The following ATP2B1 variants were observed in gnomAD, a reference collection of about 807,000 sequenced individuals.
The protein encoded by ATP2B1 is ATPase plasma membrane Ca2+ transporting 1.
ATP2B1 carries 14 observed loss-of-function variants against 124.2 expected under a neutral mutation model. The ratio of observed to expected loss-of-function variants is 0.11; its 90% CI spans 0.07 to 0.18. The LOEUF is 0.18. Among genes scored for constraint, ATP2B1 ranks in the 10% least tolerant of loss-of-function variants. The pLI is 1.00. For synonymous variants in ATP2B1, 449 were observed against 492.4 expected, an observed-to-expected ratio of 0.91 and a Z score of 1.17; for missense variants, 763 against 1,466.1, an observed-to-expected ratio of 0.52 and a Z score of 7.83.
Position 89,599,213 on chromosome 12 carries a change from T to C in ATP2B1, c.3255A>G (p.Glu1085=). The C allele has an allele frequency of 6.2e-7, 1 of 1,614,190 alleles. No individual in the cohort carries two copies. The highest frequency in any genetic ancestry group is 1.6e-4 in the Middle Eastern group (1 of 6,062). ...GTQKEEIPEE[E]LAEDVEEIDH... The stretch of plus-strand genomic sequence containing the variant: ...CAATCTCTTCAACATCCTCTGCTAA[T>C]TCCTCCTCAGGTATTTCTTCCTTTT... Residue 1085 remains glutamate, a synonymous_variant, in exon 20 of 21, where the codon GAA becomes GAG. Transcript: ENST00000428670.
At chr12:89,651,558 A>T (rs1200802294) in intron 2 of ATP2B1, among the ~76,000 whole-genome samples, 2 of 152,186 alleles carry the variant, frequency 1.3e-5, no homozygotes, top group African/African-American at 4.8e-5. Flanking sequence ...GTGAGCCACC[A>T]TACCTGGCCA....
At chr12:89,601,005 T>C (rs777275954) in intron 19 of ATP2B1, among the ~76,000 whole-genome samples, 3 of 152,274 alleles carry the variant, frequency 2.0e-5, no homozygotes, top group South Asian at 2.1e-4. Context: ...AAATAGGTTA[T>C]AGAGTAAAAG....
At chr12:89,691,820 A>G (rs900210949) in intron 1 of ATP2B1, among the ~76,000 whole-genome samples, 1 of 152,164 alleles carries the variant, frequency 6.6e-6, no homozygotes, top group Non-Finnish European at 1.5e-5. Context: ...GGGAATTTGA[A>G]TCCCTAATTT....
At chr12:89,628,871 G>C (rs1052007258) in intron 6 of ATP2B1, among the ~76,000 whole-genome samples, 1 of 152,128 alleles carries the variant, frequency 6.6e-6, no homozygotes, top group African/African-American at 2.4e-5. Flanking sequence ...CACAGTCCAG[G>C]CCACTGAGGG....
chr12:89,690,643 C>T (rs1890459182), intron 1 of ATP2B1, among the ~76,000 whole-genome samples: 2 of 151,748 alleles, frequency 1.3e-5, no homozygotes, highest in Non-Finnish European at 2.9e-5. Context: ...CTAATTTTGA[C>T]ATGAATGCTT....
chr12:89,695,469 T>TA (rs1381183377), intron 1 of ATP2B1, among the ~76,000 whole-genome samples: 2 of 151,876 alleles, frequency 1.3e-5, no homozygotes, highest in Non-Finnish European at 2.9e-5. Flanking sequence ...AAATGAGAAT[T>TA]AAAAAAAAGA....
chr12:89,672,344 T>C (rs1888098948), intron 1 of ATP2B1, among the ~76,000 whole-genome samples: 1 of 151,862 alleles, frequency 6.6e-6, no homozygotes. Context: ...ATCCCAGCTA[T>C]ACAAGAGGCT....
At chr12:89,676,013 T>C (rs1888561253) in intron 1 of ATP2B1, among the ~76,000 whole-genome samples, 1 of 152,090 alleles carries the variant, frequency 6.6e-6, no homozygotes, top group African/African-American at 2.4e-5. Flanking sequence ...GTTTCCTCAT[T>C]GGGGGAGGGG....
At chr12:89,643,101 TACGTATATATATACGTATATAC>T (rs1292509135) in intron 2 of ATP2B1, among the ~76,000 whole-genome samples, 12 of 122,898 alleles carry the variant, frequency 9.8e-5, no homozygotes, top group Middle Eastern at 4.3e-3. Context: ...CATATATACA[TACGTATATATATACGTATATAC>T]ACGTATATAT....
chr12:89,678,480 G>A (rs769624667), intron 1 of ATP2B1, among the ~76,000 whole-genome samples: 8 of 152,062 alleles, frequency 5.3e-5, no homozygotes, highest in Non-Finnish European at 1.2e-4. Context: ...TTGGCTCCTT[G>A]AGTTTTATGA....
chr12:89,596,529 T>G (rs1874651907), intron 20 of ATP2B1, among the ~76,000 whole-genome samples: 1 of 152,148 alleles, frequency 6.6e-6, no homozygotes, highest in East Asian at 1.9e-4. Context: ...AATGTTAAAT[T>G]TCTTGGATAA....
At chr12:89,670,614 G>A (rs1887843592) in intron 1 of ATP2B1, among the ~76,000 whole-genome samples, 1 of 151,982 alleles carries the variant, frequency 6.6e-6, no homozygotes, top group Admixed American at 6.6e-5. Flanking sequence ...TATAACAGAA[G>A]AAATCTACCA....
intron 1 of ATP2B1, among the ~76,000 whole-genome samples, chr12:89,667,281 C>G (rs1887425301): frequency 6.6e-6 from 1 of 152,196 alleles, no homozygotes; most frequent in African/African-American, 2.4e-5. Context: ...TTCTGTGTCA[C>G]TTGACAGTAC....
At chr12:89,657,902 G>A (rs1886147619) in intron 1 of ATP2B1, among the ~76,000 whole-genome samples, 1 of 152,140 alleles carries the variant, frequency 6.6e-6, no homozygotes, top group South Asian at 2.1e-4. Flanking sequence ...GACAGTTACA[G>A]ATTCTGCAAG....
chr12:89,592,994 T>C (rs749728514), intron 20 of ATP2B1, among the ~76,000 whole-genome samples: 4 of 152,078 alleles, frequency 2.6e-5, no homozygotes, highest in Admixed American at 1.3e-4. Context: ...TTACCATCTT[T>C]TATAATTCCA....
At position 89,630,435 on chromosome 12, in the gene ATP2B1, G is replaced by C. The variant is rs1881666528; in HGVS notation, c.928+70C>G. 10 of 1,257,578 alleles carry C rather than the reference G, an allele frequency of 8.0e-6. No individual in the cohort carries two copies. The South Asian group carries it at 2.1e-4, about 27-fold the overall frequency. 77.9% of individuals were successfully genotyped at this position (1,257,578 alleles called of 1,614,324 possible). ...TTTTTCATACCAGAATCTCTTGAAA[G>C]AAGGTACTAGTTCTTACAAATTATT... On this transcript the variant is annotated intron_variant, in intron 6 of 20. Transcript: ENST00000428670.
In ATP2B1 at chr12:89,589,805, T is replaced by G. The variant is rs957099678; in HGVS notation, c.*1179A>C. On this transcript the variant is annotated 3_prime_UTR_variant, in exon 21 of 21. Transcript: ENST00000428670. ...CTTTTAAAAAAACATTGCCATGAAT[T>G]TATTTAATAAAAGGGCATATTTATT... is the stretch of plus-strand genomic sequence containing the variant. 3 of 152,196 alleles carry G rather than the reference T, an allele frequency of 2.0e-5. No individual in the cohort carries two copies. The highest frequency in any genetic ancestry group is 4.4e-5 in the Non-Finnish European group (3 of 68,004). The allele number at this position is 152,196 out of a possible 1,614,324, so 9.4% of individuals were successfully genotyped here.
chr12:89,621,899 C>A, intron 9 of ATP2B1, 108 bp from the exon 10 acceptor site: 2 of 1,145,568 alleles, frequency 1.7e-6, no homozygotes, highest in Middle Eastern at 3.1e-4. Flanking sequence ...TCCCAGCTTT[C>A]TATAAATACA....
At chr12:89,658,647 G>GA (rs1491206152) in intron 1 of ATP2B1, among the ~76,000 whole-genome samples, 1 of 124,028 alleles carries the variant, frequency 8.1e-6, no homozygotes, top group Non-Finnish European at 1.8e-5. Context: ...GAGAGAGAGA[G>GA]ATAGAGATAG....
Sources: gnomAD v4.1 joint callset for allele counts (sites outside exome capture counted in the v4.1 genomes callset) on GRCh38, gnomAD v4.1.1 for gene constraint, MANE v1.5 for transcripts, NCBI Gene and HGNC (gene_info 2026-07-23, HGNC 2026-07-21) for gene names.